The following NOX3 variants were observed in gnomAD, a reference collection of about 807,000 sequenced individuals.
NOX3 encodes NADPH oxidase 3.
In NOX3, 74 loss-of-function variants were observed where a neutral mutation model predicts 76.7. That is an observed-to-expected ratio of 0.96 (90% CI 0.80 to 1.17). NOX3 has a LOEUF of 1.17. Among genes scored for constraint, NOX3 ranks in the 50% most tolerant of loss-of-function variants. NOX3 has a pLI of 0.00. For missense variants in NOX3, 695 were observed against 703.3 expected (o/e 0.99, Z 0.13); for synonymous variants, 263 against 261.1 (o/e 1.01, Z -0.07).
intron 9 of NOX3, among the ~76,000 whole-genome samples, chr6:155,424,291 A>C (rs548066827): frequency 6.6e-6 from 1 of 151,468 alleles, no homozygotes; most frequent in South Asian, 2.1e-4. Flanking sequence ...CTAGGAAAGT[A>C]GGAGTCAGGG....
intron 4 of NOX3, among the ~76,000 whole-genome samples, chr6:155,452,923 T>G (rs967655579): frequency 6.6e-6 from 1 of 152,236 alleles, no homozygotes; most frequent in Non-Finnish European, 1.5e-5. Context: ...TAAAGCTTCA[T>G]GTCTTTTCAA....
intron 6 of NOX3, among the ~76,000 whole-genome samples, chr6:155,438,043 G>A (rs978380544): frequency 6.6e-6 from 1 of 152,126 alleles, no homozygotes; most frequent in Non-Finnish European, 1.5e-5. Context: ...ACGAAACACT[G>A]CCCATTGAAA....
intron 9 of NOX3, among the ~76,000 whole-genome samples, chr6:155,423,925 T>A (rs373668293): frequency 9.2e-5 from 14 of 152,066 alleles, no homozygotes; most frequent in African/African-American, 3.4e-4. Flanking sequence ...GTATTTTTCA[T>A]AGAGACGAGG....
chr6:155,425,760 G>A (rs956357590), intron 9 of NOX3, among the ~76,000 whole-genome samples: 7 of 152,136 alleles, frequency 4.6e-5, no homozygotes, highest in Admixed American at 3.9e-4. Context: ...CACAAAGTTG[G>A]GCTTTGAACC....
At chr6:155,425,263 T>C (rs1286955784) in intron 9 of NOX3, among the ~76,000 whole-genome samples, 1 of 152,244 alleles carries the variant, frequency 6.6e-6, no homozygotes, top group African/African-American at 2.4e-5. Context: ...AGTTGTTCTT[T>C]TTTGGGCCCA....
intron 4 of NOX3, among the ~76,000 whole-genome samples, chr6:155,452,780 C>T (rs1777164203): frequency 6.6e-6 from 1 of 152,130 alleles, no homozygotes; most frequent in Admixed American, 6.6e-5. Context: ...TCCAGCAAAA[C>T]CACAAGCTGG....
intron 7 of NOX3, among the ~76,000 whole-genome samples, chr6:155,435,199 G>T (rs550888128): frequency 3.9e-5 from 6 of 152,238 alleles, no homozygotes; most frequent in African/African-American, 1.4e-4. Context: ...AGAGAGAGAT[G>T]AGCAAGGCCC....
At chr6:155,421,102 C>G (rs546795125) in intron 10 of NOX3, among the ~76,000 whole-genome samples, 15 of 152,164 alleles carry the variant, frequency 9.9e-5, no homozygotes, top group South Asian at 4.2e-4. Flanking sequence ...AGCAGGAATC[C>G]CACCGTCTTC....
chr6:155,454,941 TAA>T lies in NOX3; in HGVS notation c.145-22_145-21del. The T allele has an allele frequency of 6.3e-7, 1 of 1,591,426 alleles. No individual in the cohort carries two copies. Among genetic ancestry groups the T allele is most frequent in the East Asian group, 2.2e-5 (1 of 44,686 alleles). ...TGTTGACTGTCCACATGTAAAGACA[TAA>T]AAAAGAGATTCAGGGAAAACAAGGA... On this transcript the variant is annotated intron_variant, in intron 2 of 13. Transcript: ENST00000159060.
intron 10 of NOX3, among the ~76,000 whole-genome samples, chr6:155,420,364 G>C (rs1776673750): frequency 6.6e-6 from 1 of 152,224 alleles, no homozygotes; most frequent in Admixed American, 6.5e-5. Context: ...CCACCTCTCT[G>C]AGTGGGATTT....
chr6:155,428,853 C>A lies in NOX3; in HGVS notation c.1086G>T (p.Ala362=). The change falls in exon 9 of 14, where the codon GCG becomes GCT. Residue 362 remains alanine (A), a synonymous_variant. Transcript: ENST00000159060. The stretch of plus-strand genomic sequence containing the variant: ...CCTCTGCCCCAAAGGCCTCCAGTAG[C>A]GCTGCTGTCCAGTCTCCTGCTGCCC... The part of the protein sequence containing the change: ...HIRAAGDWTA[A]LLEAFGAEGQ... 1.9e-6 allele frequency: 3 copies of A among 1,602,274 alleles called. No individual in the cohort carries two copies. The highest frequency in any genetic ancestry group is 1.1e-5 in the South Asian group (1 of 89,746).
intron 7 of NOX3, among the ~76,000 whole-genome samples, chr6:155,432,002 T>C (rs1474933175): frequency 6.6e-6 from 1 of 152,208 alleles, no homozygotes; most frequent in Non-Finnish European, 1.5e-5. Flanking sequence ...CATGAACTCA[T>C]TGAATTTTAG....
chr6:155,420,457 T>C (rs780585891), intron 10 of NOX3, among the ~76,000 whole-genome samples: 1 of 152,134 alleles, frequency 6.6e-6, no homozygotes, highest in Non-Finnish European at 1.5e-5. Flanking sequence ...TGCTGTGAGG[T>C]CCAAATATCC....
chr6:155,407,044 T>A, intron 12 of NOX3, 86 bp downstream of exon 12: 1 of 1,420,256 alleles, frequency 7.0e-7, no homozygotes, highest in Non-Finnish European at 9.9e-7. Flanking sequence ...AGATATACGG[T>A]ACTGCAGATT....
intron 5 of NOX3, among the ~76,000 whole-genome samples, chr6:155,442,985 A>T (rs1179115122): frequency 6.6e-6 from 1 of 152,166 alleles, no homozygotes; most frequent in Non-Finnish European, 1.5e-5. Context: ...TAAAATGTTA[A>T]ATTTTAAAAT....
intron 12 of NOX3, among the ~76,000 whole-genome samples, chr6:155,406,235 T>C (rs1048441473): frequency 1.3e-5 from 2 of 152,028 alleles, no homozygotes; most frequent in Admixed American, 1.3e-4. Flanking sequence ...TTTGCATTAG[T>C]GCCCCATACT....
chr6:155,442,165 G>A (rs1162406969), intron 5 of NOX3, among the ~76,000 whole-genome samples: 1 of 152,190 alleles, frequency 6.6e-6, no homozygotes, highest in Non-Finnish European at 1.5e-5. Flanking sequence ...TCAGGAGGCT[G>A]AGGCAGGAGA....
chr6:155,417,445 T>C (rs1219714803), intron 10 of NOX3, among the ~76,000 whole-genome samples: 2 of 152,212 alleles, frequency 1.3e-5, no homozygotes, highest in African/African-American at 4.8e-5. Context: ...CAATCTGTGG[T>C]TAATAAACCA....
At chr6:155,401,931 C>A (rs894615142) in intron 12 of NOX3, among the ~76,000 whole-genome samples, 1 of 152,020 alleles carries the variant, frequency 6.6e-6, no homozygotes, top group East Asian at 1.9e-4. Context: ...AGGGTAAGAT[C>A]AAAGATTTAA....
Sources: allele counts gnomAD v4.1 joint callset (sites outside exome capture counted in the v4.1 genomes callset), GRCh38; gene constraint gnomAD v4.1.1; transcripts MANE v1.5; gene names NCBI Gene and HGNC (gene_info 2026-07-23, HGNC 2026-07-21).